SPACA6: variants seen among roughly 807,000 people sequenced by gnomAD.
The protein encoded by SPACA6 is sperm acrosome associated 6, also known as sperm acrosome membrane-associated protein 6.
For synonymous variants in SPACA6, 6 were observed against 1.5 expected, an observed-to-expected ratio of 4.05 and a Z score of -2.21; for missense variants, 8 against 2.8, an observed-to-expected ratio of 2.88 and a Z score of -1.34.
At chr19:51,710,940 T>C (rs1038654083) in intron 2 of SPACA6, among the ~76,000 whole-genome samples, 2 of 151,924 alleles carry the variant, frequency 1.3e-5, no homozygotes, top group African/African-American at 4.8e-5. Context: ...ATCAGCTGGG[T>C]GTGGTGGCAC....
intron 2 of SPACA6, among the ~76,000 whole-genome samples, chr19:51,698,642 G>T (rs2083446983): frequency 6.6e-6 from 1 of 152,066 alleles, no homozygotes; most frequent in South Asian, 2.1e-4. Context: ...CCCACTTCTG[G>T]GCATCAGTGC....
At chr19:51,695,873 T>G (rs895318635) in intron 2 of SPACA6, among the ~76,000 whole-genome samples, 4 of 152,224 alleles carry the variant, frequency 2.6e-5, no homozygotes, top group African/African-American at 9.7e-5. Flanking sequence ...GAGTTAGGTC[T>G]GCTGGGCTGT....
chr19:51,693,953 C>A, intron 1 of SPACA6: 1 of 374,608 alleles, frequency 2.7e-6, no homozygotes, highest in Non-Finnish European at 4.7e-6. Context: ...GATGGAGAGT[C>A]AGAGAGGGGA....
At chr19:51,709,401 C>T (rs546158923), downstream of SPACA6, among the ~76,000 whole-genome samples, 3 of 151,710 alleles carry the variant, frequency 2.0e-5, no homozygotes, top group Admixed American at 2.0e-4. Context: ...CCTATAATCC[C>T]AGCTACTTTG....
At chr19:51,704,594 T>C (rs2083499995) in intron 8 of SPACA6, 114 bp downstream of exon 8, 2 of 398,294 alleles carry the variant, frequency 5.0e-6, no homozygotes, top group Non-Finnish European at 8.9e-6. Flanking sequence ...TTTCAGTTCC[T>C]CCTCTCTCAG....
chr19:51,693,430 A>G lies in SPACA6; in HGVS notation c.-97A>G. On this transcript the variant is annotated 5_prime_UTR_variant, in exon 1 of 9. Transcript: ENST00000637797. ...GAGCATGACATTTGACCACCAACTG[A>G]AACCTGACCTCTGACCCCAGACCAC... 1.6e-6 allele frequency: 1 copy of G among 617,968 alleles called. No individual in the cohort carries two copies. The highest frequency in any genetic ancestry group is 1.9e-5 in the South Asian group (1 of 53,686). The allele number at this position is 617,968 out of a possible 1,614,324, so 38.3% of individuals were successfully genotyped here. A position where few individuals can be genotyped will look rare whatever the true frequency, so the allele number is the denominator to read the frequency against.
chr19:51,696,790 G>A (rs2083433994), intron 2 of SPACA6, among the ~76,000 whole-genome samples: 1 of 152,136 alleles, frequency 6.6e-6, no homozygotes, highest in African/African-American at 2.4e-5. Context: ...AGGTGGAAAT[G>A]ACAGGGTCCA....
Position 51,704,416 on chromosome 19 carries a change from A to C in SPACA6, c.877A>C (p.Ser293Arg), listed in dbSNP as rs2083498179. 1 of 401,032 alleles carries C rather than the reference A, an allele frequency of 2.5e-6. No individual in the cohort carries two copies. The highest frequency in any genetic ancestry group is 2.1e-5 in the African/African-American group (1 of 48,684). The allele number at this position is 401,032 out of a possible 1,614,324, so 24.8% of individuals were successfully genotyped here. ...LLARPEALTP[S>R]NLFLLAVLGA... is the part of the protein sequence containing the mutation. ...GGCCAGGCCCGAGGCTCTGACGCCC[A>C]GCAATCTGTTCCTGCTTGCAGTCCT... The change falls in exon 8 of 9, where the codon AGC becomes CGC. Residue 293 changes from serine to arginine, a missense_variant. By Grantham distance (110) the Ser-to-Arg change is moderately radical. Transcript: ENST00000637797.
chr19:51,690,456 G>T (rs886116201), upstream of SPACA6, among the ~76,000 whole-genome samples: 1 of 152,018 alleles, frequency 6.6e-6, no homozygotes, highest in Non-Finnish European at 1.5e-5. Flanking sequence ...CTCCTCCTCC[G>T]GAACCCAGGA....
chr19:51,690,861 G>A (rs1445086096), upstream of SPACA6, among the ~76,000 whole-genome samples: 2 of 151,936 alleles, frequency 1.3e-5, no homozygotes, highest in South Asian at 4.1e-4. Context: ...AGGCAGCCCC[G>A]GGGCATGCTG....
chr19:51,693,314 G>A (rs1351547302), upstream of SPACA6: 1 of 753,698 alleles, frequency 1.3e-6, no homozygotes, highest in Non-Finnish European at 2.5e-6. Context: ...TCACAGGTGA[G>A]GTTCTTGGGA....
upstream of SPACA6, chr19:51,693,162 G>T: frequency 5.3e-5 from 24 of 451,002 alleles, no homozygotes; most frequent in Admixed American, 6.2e-5. Flanking sequence ...TGTCGTTTTT[G>T]GTCTTTCTGT....
At chr19:51,699,109 C>CA (rs1247733909) in intron 2 of SPACA6, among the ~76,000 whole-genome samples, 1 of 152,164 alleles carries the variant, frequency 6.6e-6, no homozygotes, top group African/African-American at 2.4e-5. Flanking sequence ...CTCCTGGGCT[C>CA]AACCATCCTC....
chr19:51,702,217 G>A (rs2083473897), intron 3 of SPACA6, among the ~76,000 whole-genome samples: 1 of 151,098 alleles, frequency 6.6e-6, no homozygotes, highest in Non-Finnish European at 1.5e-5. Context: ...GTCTCCAACT[G>A]AGCCCCTTTC....
chr19:51,706,722 C>G (rs1452609738), downstream of SPACA6, among the ~76,000 whole-genome samples: 1 of 151,708 alleles, frequency 6.6e-6, no homozygotes, highest in Non-Finnish European at 1.5e-5. Context: ...TGCAATGGTG[C>G]GATGTCGGCT....
upstream of SPACA6, chr19:51,686,414 C>A (rs893935283): frequency 2.0e-5 from 3 of 152,212 alleles, no homozygotes; most frequent in Admixed American, 1.3e-4. Flanking sequence ...AAAATCACAA[C>A]ACAACAGGAT....
chr19:51,707,230 C>CTCTT (rs796215588), downstream of SPACA6, among the ~76,000 whole-genome samples: 3 of 141,226 alleles, frequency 2.1e-5, 1 homozygote, highest in African/African-American at 7.9e-5. Flanking sequence ...CTCTCTCTCC[C>CTCTT]TTTTTTTTTT....
At chr19:51,708,752 G>A (rs770769229), downstream of SPACA6, among the ~76,000 whole-genome samples, 1 of 152,094 alleles carries the variant, frequency 6.6e-6, no homozygotes, top group Non-Finnish European at 1.5e-5. Flanking sequence ...GCTTGAACCT[G>A]GGAGGCAGAA....
At chr19:51,694,650 C>T (rs942091770) in intron 2 of SPACA6, 95 bp downstream of exon 2, 4 of 398,624 alleles carry the variant, frequency 1.0e-5, no homozygotes, top group Non-Finnish European at 1.8e-5. Context: ...AGGAGGCCCC[C>T]AGAGTTGGGC....
Sources: gnomAD v4.1 joint callset for allele counts (sites outside exome capture counted in the v4.1 genomes callset) on GRCh38, gnomAD v4.1.1 for gene constraint, MANE v1.5 for transcripts, NCBI Gene and HGNC (gene_info 2026-07-23, HGNC 2026-07-21) for gene names.